RBM39: variants seen among roughly 807,000 people sequenced by gnomAD.
The protein encoded by RBM39 is RNA-binding protein 39.
In RBM39, 12 loss-of-function variants were observed where a neutral mutation model predicts 79.6. The ratio of observed to expected loss-of-function variants is 0.15; its 90% CI spans 0.10 to 0.24. The LOEUF (loss-of-function observed/expected upper bound fraction) is 0.24. Ranked by LOEUF, RBM39 falls within the 10% of genes least tolerant of loss-of-function variation. The pLI, the probability that RBM39 is intolerant of heterozygous loss-of-function variation, is 1.00. For synonymous variants in RBM39, 185 were observed against 208.4 expected (o/e 0.89, Z 0.97); for missense variants, 243 against 653.4 (o/e 0.37, Z 6.85).
At chr20:35,727,413 AAAAC>A (rs1569046272) in intron 6 of RBM39, among the ~76,000 whole-genome samples, 1 of 151,766 alleles carries the variant, frequency 6.6e-6, no homozygotes, top group Admixed American at 6.6e-5. Flanking sequence ...AAAAAAAAAA[AAAAC>A]ACCCACAATG....
Position 35,732,078 on chromosome 20 carries a change from C to T in RBM39, c.159G>A (p.Lys53=). Residue 53 remains lysine (K), a synonymous_variant, in exon 4 of 17, where the codon AAG becomes AAA. Transcript: ENST00000253363. The part of the protein sequence containing the change: ...RSHERKRSKS[K]ERKRSRDRER... ...CTCTGTCTCTACTTCGCTTCCGTTCCTTACTTTTGCTTCTCTTTCGTTCAT... is the reference window on the plus strand; with the variant it reads ...CTCTGTCTCTACTTCGCTTCCGTTCTTTACTTTTGCTTCTCTTTCGTTCAT... The T allele has an allele frequency of 6.2e-7, 1 of 1,614,046 alleles. No individual in the cohort carries two copies.
At chr20:35,724,807 G>T in intron 7 of RBM39, 85 bp from the exon 8 acceptor site, 1 of 1,451,964 alleles carries the variant, frequency 6.9e-7, no homozygotes, top group Non-Finnish European at 9.4e-7. Context: ...AAGGATGAAG[G>T]TATTTTTAAA....
intron 4 of RBM39, 88 bp from the exon 5 acceptor site, chr20:35,729,615 G>T: frequency 8.5e-7 from 1 of 1,181,954 alleles, no homozygotes; most frequent in Non-Finnish European, 1.2e-6. Flanking sequence ...GACTAACATT[G>T]TTTAGGCTAC....
At chr20:35,741,033 T>TTTC (rs1325048357) in intron 1 of RBM39, 146 bp from the exon 2 acceptor site, 5 of 322,328 alleles carry the variant, frequency 1.6e-5, no homozygotes, top group African/African-American at 1.3e-4. Context: ...CATTTTTCTT[T>TTTC]TTTTTTTTTT....
Position 35,725,910 on chromosome 20 carries a change from C to T in RBM39, c.417-755G>A, listed in dbSNP as rs568619347. Reference sequence around the variant, plus strand: ...AACTTTTGATCTCAGGTGATGTGCCCGCCTCGGCCTCCCAAAGTGCTGGGA... The same window carrying T: ...AACTTTTGATCTCAGGTGATGTGCCTGCCTCGGCCTCCCAAAGTGCTGGGA... On this transcript the variant is annotated intron_variant, in intron 6 of 16. Transcript: ENST00000253363. Among the ~76,000 whole-genome samples the T allele has an allele frequency of 1.3e-4, 19 of 151,406 alleles. No homozygotes were observed. In the South Asian group the frequency reaches 3.6e-3, roughly 28 times the overall value.
At chr20:35,705,655 A>C (rs1394837345) in intron 14 of RBM39, among the ~76,000 whole-genome samples, 1 of 151,694 alleles carries the variant, frequency 6.6e-6, no homozygotes, top group East Asian at 1.9e-4. Context: ...AAATTTAGCC[A>C]CGAGTGGTGG....
Position 35,708,342 on chromosome 20 carries a change from G to C in RBM39, c.1225+882C>G, listed in dbSNP as rs1235760193. 4.6e-5 allele frequency among the ~76,000 whole-genome samples: 7 copies of C among 151,996 alleles called. No homozygotes were observed. The East Asian group carries it at 1.2e-3, about 25-fold the overall frequency. Reference sequence around the variant, plus strand: ...AACTAGAAAGTCTAAACAGAACTGAGGAAGACTTGATTCTTCCAGTTTCTC... The same window carrying C: ...AACTAGAAAGTCTAAACAGAACTGACGAAGACTTGATTCTTCCAGTTTCTC... On this transcript the variant is annotated intron_variant, in intron 13 of 16. Transcript: ENST00000253363.
At position 35,704,686 on chromosome 20, in the gene RBM39, G is replaced by T; in HGVS notation, c.1474C>A (p.His492Asn). ...AAAIAAVNAL[H>N]GRWFAGKMIT... The stretch of plus-strand genomic sequence containing the variant: ...AACTCACCAGCAAACCACCTGCCAT[G>T]CAATGCATTGACAGCAGCAATAGCT... The change falls in exon 16 of 17, where the codon CAT (histidine) becomes AAT (asparagine). Residue 492 changes from histidine (H) to asparagine (N), a missense_variant. Transcript: ENST00000253363. 1 of 1,614,006 alleles carries T rather than the reference G, an allele frequency of 6.2e-7. No individual in the cohort carries two copies. The highest frequency in any genetic ancestry group is 8.5e-7 in the Non-Finnish European group (1 of 1,179,940).
At chr20:35,707,248 G>T in intron 13 of RBM39, 47 bp from the exon 14 acceptor site, 2 of 1,369,234 alleles carry the variant, frequency 1.5e-6, no homozygotes, top group Non-Finnish European at 2.1e-6. Context: ...ATGCATGAAA[G>T]TATCCCTCAT....
intron 8 of RBM39, among the ~76,000 whole-genome samples, chr20:35,722,189 C>T (rs1461129346): frequency 2.0e-5 from 3 of 151,974 alleles, no homozygotes; most frequent in Non-Finnish European, 2.9e-5. Context: ...AGCCAGATCA[C>T]GACATCAAGA....
intron 11 of RBM39, chr20:35,713,690 A>C (rs2036753932): frequency 1.3e-5 from 2 of 149,668 alleles, no homozygotes; most frequent in African/African-American, 4.9e-5. Context: ...AAAAAAAAAA[A>C]AAAAAAACCA....
intron 4 of RBM39, 63 bp from the exon 5 acceptor site, chr20:35,729,590 T>A: frequency 7.0e-7 from 1 of 1,432,682 alleles, no homozygotes; most frequent in Non-Finnish European, 9.8e-7. Flanking sequence ...ATCGCATTCA[T>A]GCGCTCTCCA....
chr20:35,741,438 G>A (rs2040523607), intron 1 of RBM39: 1 of 152,822 alleles, frequency 6.5e-6, no homozygotes, highest in African/African-American at 2.4e-5. Context: ...AAAGTGACAT[G>A]CACTTTAACC....
intron 4 of RBM39, chr20:35,731,684 T>C: frequency 2.0e-6 from 1 of 497,132 alleles, no homozygotes; most frequent in Non-Finnish European, 3.6e-6. Flanking sequence ...CAGTTTGCGT[T>C]GACTGGCATA....
intron 4 of RBM39, among the ~76,000 whole-genome samples, chr20:35,730,550 A>G (rs2146678403): frequency 6.6e-6 from 1 of 152,286 alleles, no homozygotes; most frequent in Non-Finnish European, 1.5e-5. Flanking sequence ...AATTAGTTAT[A>G]AGCTATTTTC....
At chr20:35,732,375 G>A in intron 3 of RBM39, 3 of 508,712 alleles carry the variant, frequency 5.9e-6, no homozygotes, top group Non-Finnish European at 1.0e-5. Context: ...GGCCAATGTA[G>A]TGAAACCCCG....
At chr20:35,741,036 T>TTTTTTTTTTC in intron 1 of RBM39, 149 bp from the exon 2 acceptor site, 1 of 393,838 alleles carries the variant, frequency 2.5e-6, no homozygotes, top group Non-Finnish European at 4.3e-6. Flanking sequence ...TTTTCTTTTT[T>TTTTTTTTTTC]TTTTTTTTTT....
chr20:35,727,456 C>T (rs1051544887), intron 6 of RBM39, among the ~76,000 whole-genome samples: 1 of 150,076 alleles, frequency 6.7e-6, no homozygotes, highest in Non-Finnish European at 1.5e-5. Flanking sequence ...TTCCTTGAAC[C>T]GAAATCGTAG....
chr20:35,709,666 G>C (rs2036155763), intron 12 of RBM39, among the ~76,000 whole-genome samples: 1 of 152,110 alleles, frequency 6.6e-6, no homozygotes, highest in African/African-American at 2.4e-5. Context: ...AGTGGCCATA[G>C]TACTTAACAC....
Sources: allele counts gnomAD v4.1 joint callset (sites outside exome capture counted in the v4.1 genomes callset), GRCh38; gene constraint gnomAD v4.1.1; transcripts MANE v1.5; gene names NCBI Gene and HGNC (gene_info 2026-07-23, HGNC 2026-07-21).